Variants in COLGALT2 observed in about 807,000 individuals in gnomAD.
The protein encoded by COLGALT2 is collagen beta(1-O)galactosyltransferase 2.
Under a neutral mutation model 73.4 loss-of-function variants are expected in COLGALT2, and 49 were observed. That is an observed-to-expected ratio of 0.67 (90% CI 0.53 to 0.85). The LOEUF is 0.85. Ranked by LOEUF, COLGALT2 falls within the 40% of genes least tolerant of loss-of-function variation. The pLI, the probability that COLGALT2 is intolerant of heterozygous loss-of-function variation, is 0.00. For missense variants in COLGALT2, 722 were observed against 790.2 expected (o/e 0.91, Z 1.03); for synonymous variants, 295 against 307.6 (o/e 0.96, Z 0.43).
At chr1:184,000,497 C>A (rs1159531360) in intron 1 of COLGALT2, among the ~76,000 whole-genome samples, 1 of 133,790 alleles carries the variant, frequency 7.5e-6, no homozygotes, top group Non-Finnish European at 1.6e-5. Flanking sequence ...TCACCCCCAT[C>A]CCAAATGAAA....
chr1:183,944,421 A>G, intron 9 of COLGALT2, 98 bp from the exon 10 acceptor site: 1 of 1,360,276 alleles, frequency 7.4e-7, no homozygotes, highest in South Asian at 1.5e-5. Context: ...CTAGTAGCAC[A>G]GATTCATAAC....
intron 9 of COLGALT2, 95 bp from the exon 10 acceptor site, chr1:183,944,418 C>T: frequency 7.3e-7 from 1 of 1,365,730 alleles, no homozygotes; most frequent in South Asian, 1.5e-5. Flanking sequence ...AGTCTAGTAG[C>T]ACAGATTCAT....
chr1:183,985,603 G>C (rs1358826844), intron 1 of COLGALT2, among the ~76,000 whole-genome samples: 2 of 152,154 alleles, frequency 1.3e-5, no homozygotes, highest in African/African-American at 2.4e-5. Context: ...ACTTCCATCT[G>C]TACTGAGACT....
chr1:184,007,746 C>A (rs749794982), intron 1 of COLGALT2, among the ~76,000 whole-genome samples: 4 of 152,052 alleles, frequency 2.6e-5, no homozygotes, highest in Non-Finnish European at 5.9e-5. Context: ...TGGCCATGGC[C>A]CCCAGGGTCC....
intron 1 of COLGALT2, among the ~76,000 whole-genome samples, chr1:184,002,959 A>G (rs959272987): frequency 6.6e-6 from 1 of 152,312 alleles, no homozygotes; most frequent in Non-Finnish European, 1.5e-5. Flanking sequence ...GAAACAAACT[A>G]AATAAAGATA....
chr1:183,964,767 G>T (rs962158879), intron 5 of COLGALT2, among the ~76,000 whole-genome samples: 4 of 152,162 alleles, frequency 2.6e-5, no homozygotes, highest in Non-Finnish European at 4.4e-5. Flanking sequence ...TAACCAGACA[G>T]CTAGAAATAT....
At chr1:183,944,896 T>G (rs1462741848) in intron 9 of COLGALT2, among the ~76,000 whole-genome samples, 1 of 152,222 alleles carries the variant, frequency 6.6e-6, no homozygotes, top group African/African-American at 2.4e-5. Context: ...CAAGGGGCCT[T>G]TCTTCAGGGA....
chr1:183,964,712 C>T (rs1670818111), intron 5 of COLGALT2, among the ~76,000 whole-genome samples: 2 of 152,192 alleles, frequency 1.3e-5, no homozygotes, highest in Admixed American at 1.3e-4. Flanking sequence ...AATTGTTCTT[C>T]ATAGCCCCAC....
At chr1:184,005,675 A>G (rs1672053761) in intron 1 of COLGALT2, among the ~76,000 whole-genome samples, 1 of 152,084 alleles carries the variant, frequency 6.6e-6, no homozygotes. Flanking sequence ...CCACCAAGTC[A>G]CCAGTCATAT....
chr1:183,969,140 G>T, intron 5 of COLGALT2, 129 bp downstream of exon 5: 1 of 727,030 alleles, frequency 1.4e-6, no homozygotes, highest in Non-Finnish European at 2.1e-6. Context: ...TATGGTTATT[G>T]CAGACAATTT....
chr1:183,955,368 T>A (rs750743390), intron 6 of COLGALT2, among the ~76,000 whole-genome samples: 13 of 152,204 alleles, frequency 8.5e-5, no homozygotes, highest in African/African-American at 1.4e-4. Flanking sequence ...AGGCTAGAAT[T>A]TTTACTGAAA....
At chr1:184,003,398 G>A (rs1457609669) in intron 1 of COLGALT2, among the ~76,000 whole-genome samples, 1 of 152,114 alleles carries the variant, frequency 6.6e-6, no homozygotes, top group African/African-American at 2.4e-5. Flanking sequence ...GAGACCATGT[G>A]CTCTACTACC....
At chr1:183,930,217 G>A (rs145960234) in exon 12 of COLGALT2, 1 of 456,074 alleles carries the variant, frequency 2.2e-6, no homozygotes, top group Non-Finnish European at 4.4e-6. Flanking sequence ...CTCCTAGGGT[G>A]CACGGGTTTG....
intron 1 of COLGALT2, among the ~76,000 whole-genome samples, chr1:183,985,810 T>G (rs990468770): frequency 2.6e-5 from 4 of 152,098 alleles, no homozygotes; most frequent in Non-Finnish European, 5.9e-5. Context: ...ACAACAAACT[T>G]AGTCACCACC....
chr1:184,034,532 T>TA (rs61709504), intron 1 of COLGALT2, among the ~76,000 whole-genome samples: 32,746 of 151,794 alleles, frequency 0.22, 3,717 homozygotes, highest in East Asian at 0.47. Flanking sequence ...TATTTATCTG[T>TA]AAAAAAACAC....
intron 1 of COLGALT2, among the ~76,000 whole-genome samples, chr1:183,990,575 G>A (rs1490691089): frequency 6.6e-6 from 1 of 152,222 alleles, no homozygotes; most frequent in Non-Finnish European, 1.5e-5. Flanking sequence ...GGAGGGAGTG[G>A]CTAGAAAGGT....
At chr1:183,956,309 C>T (rs1017718071) in intron 6 of COLGALT2, among the ~76,000 whole-genome samples, 16 of 152,172 alleles carry the variant, frequency 1.1e-4, no homozygotes, top group African/African-American at 3.6e-4. Flanking sequence ...AGGCCAAACA[C>T]AAGAGCTGGT....
At chr1:184,007,314 G>A (rs1162336084) in intron 1 of COLGALT2, among the ~76,000 whole-genome samples, 1 of 152,226 alleles carries the variant, frequency 6.6e-6, no homozygotes, top group Non-Finnish European at 1.5e-5. Context: ...TTTTATTATT[G>A]TATGTGTTCA....
At chr1:184,030,027 C>T (rs1444247384) in intron 1 of COLGALT2, among the ~76,000 whole-genome samples, 1 of 152,156 alleles carries the variant, frequency 6.6e-6, no homozygotes, top group Admixed American at 6.5e-5. Flanking sequence ...ATATTGGTCA[C>T]TGGCAGGTGG....
Sources: gnomAD v4.1 joint callset for allele counts (sites outside exome capture counted in the v4.1 genomes callset) on GRCh38, gnomAD v4.1.1 for gene constraint, MANE v1.5 for transcripts, NCBI Gene and HGNC (gene_info 2026-07-23, HGNC 2026-07-21) for gene names.